Variants in GULP1 observed in about 807,000 individuals in gnomAD.
GULP1 encodes the protein PTB domain-containing engulfment adapter protein 1.
In GULP1, 19 loss-of-function variants were observed where a neutral mutation model predicts 40.9. The ratio of observed to expected loss-of-function variants is 0.46; its 90% CI spans 0.32 to 0.68. The LOEUF (loss-of-function observed/expected upper bound fraction) is 0.68. Among genes scored for constraint, GULP1 ranks in the 30% least tolerant of loss-of-function variants. The probability of loss-of-function intolerance (pLI) is 0.03; values close to 1 mark genes in which losing one functional copy is unlikely to be tolerated. For missense variants in GULP1, 312 were observed against 362.2 expected (o/e 0.86, Z 1.12); for synonymous variants, 119 against 117.6 (o/e 1.01, Z -0.08).
intron 2 of GULP1, among the ~76,000 whole-genome samples, chr2:188,390,997 C>T (rs2050446561): frequency 6.6e-6 from 1 of 151,998 alleles, no homozygotes; most frequent in Non-Finnish European, 1.5e-5. Context: ...TATGCCAGTA[C>T]CATGCTGTTT....
At chr2:188,359,475 C>G (rs1007599059) in intron 1 of GULP1, among the ~76,000 whole-genome samples, 1 of 152,030 alleles carries the variant, frequency 6.6e-6, no homozygotes, top group South Asian at 2.1e-4. Flanking sequence ...TTTTGGAAAG[C>G]TTTTCTCTGC....
intron 7 of GULP1, among the ~76,000 whole-genome samples, chr2:188,556,070 G>A (rs1031964100): frequency 6.9e-6 from 1 of 144,618 alleles, no homozygotes; most frequent in African/African-American, 2.8e-5. Context: ...AAAAAAAAAA[G>A]AAAAAGAAAA....
chr2:188,565,554 T>C (rs1697452586), intron 7 of GULP1, among the ~76,000 whole-genome samples: 1 of 152,052 alleles, frequency 6.6e-6, no homozygotes, highest in Admixed American at 6.6e-5. Context: ...TTTCTGAGAA[T>C]GTGACATAAT....
At chr2:188,526,591 G>A (rs1040850125) in intron 5 of GULP1, among the ~76,000 whole-genome samples, 17 of 152,010 alleles carry the variant, frequency 1.1e-4, no homozygotes, top group South Asian at 2.1e-4. Context: ...GTTAGCTTAA[G>A]TTTTAGGAAA....
intron 3 of GULP1, among the ~76,000 whole-genome samples, chr2:188,481,528 A>G (rs1575522950): frequency 6.6e-6 from 1 of 151,916 alleles, no homozygotes; most frequent in East Asian, 1.9e-4. Context: ...GGAATTTAAT[A>G]TTGTGATTAT....
intron 4 of GULP1, among the ~76,000 whole-genome samples, chr2:188,493,539 T>C (rs940908307): frequency 6.6e-6 from 1 of 152,056 alleles, no homozygotes; most frequent in Non-Finnish European, 1.5e-5. Flanking sequence ...TCTTGATGAC[T>C]TTCCTGCCTA....
chr2:188,577,083 A>G (rs897193590), intron 9 of GULP1, among the ~76,000 whole-genome samples: 2 of 152,128 alleles, frequency 1.3e-5, no homozygotes, highest in African/African-American at 4.8e-5. Flanking sequence ...TCTTCTGACT[A>G]TAGAAGGTTT....
chr2:188,294,579 T>C lies in GULP1; in HGVS notation c.-172+2413T>C, dbSNP rs567986640. Among the ~76,000 whole-genome samples, 20 of 152,100 alleles carry C rather than the reference T, an allele frequency of 1.3e-4. No individual in the cohort carries two copies. In the South Asian group the frequency reaches 3.7e-3, roughly 28 times the overall value. The stretch of plus-strand genomic sequence containing the variant: ...AGGTTTACTATTGTGGGCTTAGGGG[T>C]TAAATGGTTAAAACAAACAAACAAA... On this transcript the variant is annotated intron_variant, in intron 1 of 11. Coordinates refer to ENST00000409830, the MANE Select transcript of GULP1 (RefSeq NM_016315.4).
At chr2:188,542,789 C>A (rs1318274968) in intron 7 of GULP1, among the ~76,000 whole-genome samples, 3 of 152,100 alleles carry the variant, frequency 2.0e-5, no homozygotes, top group African/African-American at 7.2e-5. Context: ...CTTGCAGATT[C>A]TTTTCTCTAT....
rs369009419 is a variant in GULP1 at position 188,593,988 on chromosome 2, G to T, written c.892G>T (p.Asp298Tyr). The T allele has an allele frequency of 1.3e-6, 2 of 1,595,828 alleles. No individual in the cohort carries two copies. Among genetic ancestry groups the T allele is most frequent in the African/African-American group, 1.3e-5 (1 of 74,472 alleles). The change falls in exon 12 of 12, where the codon GAC (aspartate) becomes TAC (tyrosine). Residue 298 changes from aspartate (D) to tyrosine (Y), a missense_variant. Transcript: ENST00000409830. ...TCTTGAAGGCACAGTATTTTGTCTC[G>T]ACCCGTTAGACAGTAGGTGCTGACA... ...LTLEGTVFCL[D>Y]PLDSRC
At chr2:188,567,263 C>G in intron 7 of GULP1, among the ~76,000 whole-genome samples, 1 of 152,102 alleles carries the variant, frequency 6.6e-6, no homozygotes, top group East Asian at 1.9e-4. Flanking sequence ...CCATTTGACC[C>G]AGAGATCTCA....
At chr2:188,411,911 C>T (rs2053945130) in intron 2 of GULP1, among the ~76,000 whole-genome samples, 1 of 152,176 alleles carries the variant, frequency 6.6e-6, no homozygotes. Context: ...TTTGGGGTGG[C>T]ATCTGTGTAT....
At chr2:188,463,873 T>G (rs754978280) in intron 2 of GULP1, among the ~76,000 whole-genome samples, 9 of 152,186 alleles carry the variant, frequency 5.9e-5, no homozygotes, top group African/African-American at 1.2e-4. Context: ...TTTCAATGTC[T>G]TTTTTAAATT....
chr2:188,319,466 G>A (rs984571983), intron 1 of GULP1, among the ~76,000 whole-genome samples: 10 of 152,056 alleles, frequency 6.6e-5, no homozygotes, highest in African/African-American at 2.4e-4. Flanking sequence ...GGTTGGAGGA[G>A]GTCAACATAC....
intron 4 of GULP1, among the ~76,000 whole-genome samples, chr2:188,514,040 A>AGGGT (rs1553577815): frequency 8.1e-6 from 1 of 122,998 alleles, no homozygotes; most frequent in African/African-American, 3.0e-5. Flanking sequence ...TCCCCTTCTG[A>AGGGT]GTGTGTGTGT....
intron 2 of GULP1, among the ~76,000 whole-genome samples, chr2:188,420,291 A>C (rs952357011): frequency 1.3e-5 from 2 of 152,198 alleles, no homozygotes; most frequent in African/African-American, 4.8e-5. Context: ...ATATTTTAAC[A>C]ATATTGTCTT....
At chr2:188,537,182 T>C (rs549367727) in intron 6 of GULP1, among the ~76,000 whole-genome samples, 5 of 152,190 alleles carry the variant, frequency 3.3e-5, no homozygotes, top group African/African-American at 1.2e-4. Flanking sequence ...TCTCTTTTTT[T>C]CTACTGTCTG....
chr2:188,325,634 G>A (rs1016384794), intron 1 of GULP1, among the ~76,000 whole-genome samples: 3 of 151,958 alleles, frequency 2.0e-5, no homozygotes, highest in African/African-American at 7.2e-5. Context: ...GACCGGTAGA[G>A]CCAGTATATT....
At chr2:188,456,361 C>T (rs767170939) in intron 2 of GULP1, among the ~76,000 whole-genome samples, 4 of 152,162 alleles carry the variant, frequency 2.6e-5, no homozygotes, top group South Asian at 2.1e-4. Flanking sequence ...CTGAGGTCCC[C>T]GTGCTGTGTG....
Sources: allele counts gnomAD v4.1 joint callset (sites outside exome capture counted in the v4.1 genomes callset), GRCh38; gene constraint gnomAD v4.1.1; transcripts MANE v1.5; gene names NCBI Gene and HGNC (gene_info 2026-07-23, HGNC 2026-07-21).